The following PTBP3 variants were observed in gnomAD, a reference collection of about 807,000 sequenced individuals.
PTBP3 encodes the protein polypyrimidine tract binding protein 3.
In PTBP3, 20 loss-of-function variants were observed where a neutral mutation model predicts 58.7. That is an observed-to-expected ratio of 0.34 (90% confidence interval 0.24 to 0.50). The LOEUF is 0.50. PTBP3 is among the 20% of genes least tolerant of loss of function. The probability of loss-of-function intolerance (pLI) is 0.98; values close to 1 mark genes in which losing one functional copy is unlikely to be tolerated. For synonymous variants in PTBP3, 185 were observed against 219.8 expected (o/e 0.84, Z 1.40); for missense variants, 509 against 637.2 (o/e 0.80, Z 2.17).
intron 1 of PTBP3, among the ~76,000 whole-genome samples, chr9:112,310,913 T>C (rs1212340432): frequency 6.6e-6 from 1 of 152,144 alleles, no homozygotes; most frequent in African/African-American, 2.4e-5. Context: ...CAATTATGGC[T>C]GAAAGAGAAT....
rs556917722 is a variant in PTBP3 at position 112,243,392 on chromosome 9, AT to A, written c.802+7536del. On this transcript the variant is annotated intron_variant, in intron 7 of 13. Transcript: ENST00000374257. ...CCCATCTCTACTAAAAATTCAAAAA[AT>A]TAGCTAGACGTGGTGGCAGGCACCT... 2.2e-3 allele frequency among the ~76,000 whole-genome samples: 341 copies of A among 152,234 alleles called. 1 individual carries two copies. Among genetic ancestry groups the A allele is most frequent in the Middle Eastern group, 3.4e-3 (1 of 294 alleles).
chr9:112,252,095 A>G (rs937631689), intron 6 of PTBP3, among the ~76,000 whole-genome samples: 1 of 152,158 alleles, frequency 6.6e-6, no homozygotes, highest in Non-Finnish European at 1.5e-5. Context: ...TCTTGTCAAA[A>G]TAGGTTTTCG....
chr9:112,321,531 A>G (rs1454476989), intron 1 of PTBP3, among the ~76,000 whole-genome samples: 1 of 151,202 alleles, frequency 6.6e-6, no homozygotes, highest in Non-Finnish European at 1.5e-5. Flanking sequence ...GTAGTCTGAA[A>G]AAAAAAAAAA....
In PTBP3 at chr9:112,246,680, G is replaced by A. The variant is rs1292528052; in HGVS notation, c.802+4249C>T. ...TGCACTCCAGCCTGGGCAACAGAGC[G>A]AGACTCTGTCTCAAAAAAAAAAAAA... On this transcript the variant is annotated intron_variant, in intron 7 of 13. Transcript: ENST00000374257. Among the ~76,000 whole-genome samples, 24 of 148,716 alleles carry A rather than the reference G, an allele frequency of 1.6e-4. No individual in the cohort carries two copies. In the East Asian group the frequency reaches 1.8e-3, roughly 11 times the overall value.
At chr9:112,369,537 T>C in the PTBP3 span, among the ~76,000 whole-genome samples, 7 of 152,174 alleles carry the variant, frequency 4.6e-5, no homozygotes, top group Non-Finnish European at 1.0e-4. Flanking sequence ...TTTCTCCCAT[T>C]TGGAATGGGT....
At chr9:112,370,394 A>T in the PTBP3 span, among the ~76,000 whole-genome samples, 1 of 152,144 alleles carries the variant, frequency 6.6e-6, no homozygotes, top group Non-Finnish European at 1.5e-5. Flanking sequence ...ATACAAAAAA[A>T]TAGTGGTGTG....
intron 1 of PTBP3, among the ~76,000 whole-genome samples, chr9:112,332,147 T>C (rs769322767): frequency 1.3e-4 from 20 of 152,120 alleles, no homozygotes; most frequent in African/African-American, 4.3e-4. Flanking sequence ...CCCCCCAAAA[T>C]ATATACACCT....
the PTBP3 span, among the ~76,000 whole-genome samples, chr9:112,346,250 C>T: frequency 2.0e-5 from 3 of 152,140 alleles, no homozygotes; most frequent in African/African-American, 7.2e-5. Context: ...TTGCTGCAAC[C>T]TTTGTCTCCT....
At chr9:112,224,021 T>C in intron 13 of PTBP3, 38 bp from the exon 14 acceptor site, 2 of 1,594,930 alleles carry the variant, frequency 1.3e-6, no homozygotes, top group Non-Finnish European at 1.7e-6. Context: ...GTATTTAGAA[T>C]GAATTTTGCT....
In PTBP3 at chr9:112,222,974, CT is replaced by C. The variant is rs1292038957; in HGVS notation, c.*876del. The C allele has an allele frequency of 1.5e-5, 13 of 854,092 alleles. No homozygotes were observed. Among genetic ancestry groups the C allele is most frequent in the African/African-American group, 7.3e-5 (4 of 54,444 alleles). 52.9% of individuals were successfully genotyped at this position (854,092 alleles called of 1,614,324 possible). A position where few individuals can be genotyped will look rare whatever the true frequency, so the allele number is the denominator to read the frequency against. On this transcript the variant is annotated 3_prime_UTR_variant, in exon 14 of 14. Coordinates refer to ENST00000374257, the MANE Select transcript of PTBP3 (RefSeq NM_001163788.4). ...TGAATATTTTCCTTAAGACTGTAAA[CT>C]TTTTTTCTGAAAACAATTATAAAAA...
At chr9:112,294,983 T>C (rs1410131082) in intron 2 of PTBP3, among the ~76,000 whole-genome samples, 1 of 152,224 alleles carries the variant, frequency 6.6e-6, no homozygotes, top group Non-Finnish European at 1.5e-5. Context: ...CTCACGCCTG[T>C]AATCCCAGCA....
the PTBP3 span, among the ~76,000 whole-genome samples, chr9:112,356,511 T>C: frequency 6.6e-6 from 1 of 151,912 alleles, no homozygotes; most frequent in South Asian, 2.1e-4. Context: ...TTTTTTTCTC[T>C]TATGCAATAA....
intron 2 of PTBP3, among the ~76,000 whole-genome samples, chr9:112,295,067 C>T (rs890033727): frequency 4.6e-5 from 7 of 152,068 alleles, no homozygotes; most frequent in African/African-American, 4.8e-5. Flanking sequence ...TGGTGAAACC[C>T]TGTCTCTACT....
intron 7 of PTBP3, among the ~76,000 whole-genome samples, chr9:112,240,997 GGTAA>G (rs1455268803): frequency 6.6e-6 from 1 of 152,060 alleles, no homozygotes; most frequent in Non-Finnish European, 1.5e-5. Flanking sequence ...TGTGTTTCAA[GGTAA>G]GTATTATTAC....
At chr9:112,373,726 C>T in the PTBP3 span, among the ~76,000 whole-genome samples, 9 of 152,168 alleles carry the variant, frequency 5.9e-5, no homozygotes, top group South Asian at 2.1e-4. Flanking sequence ...GTTAACAATA[C>T]TTAAATGCTG....
At chr9:112,368,943 G>T in the PTBP3 span, among the ~76,000 whole-genome samples, 34 of 152,330 alleles carry the variant, frequency 2.2e-4, 1 homozygote, top group South Asian at 6.6e-3. Flanking sequence ...TGGCTAAAAG[G>T]GGCCAATGTA....
chr9:112,369,413 G>C, the PTBP3 span, among the ~76,000 whole-genome samples: 10 of 152,330 alleles, frequency 6.6e-5, no homozygotes, highest in South Asian at 2.1e-3. Context: ...TTGCATCACT[G>C]TGACCTGGAT....
intron 10 of PTBP3, among the ~76,000 whole-genome samples, chr9:112,230,464 G>A (rs1003308022): frequency 2.6e-5 from 4 of 151,974 alleles, no homozygotes; most frequent in East Asian, 1.9e-4. Context: ...ACTGATTTAC[G>A]GGGAAAAAAT....
chr9:112,372,703 C>G, the PTBP3 span, among the ~76,000 whole-genome samples: 1 of 152,070 alleles, frequency 6.6e-6, no homozygotes, highest in Non-Finnish European at 1.5e-5. Context: ...CTTAGCACAA[C>G]GTTTTTGAGG....
Sources: gnomAD v4.1 joint callset for allele counts (sites outside exome capture counted in the v4.1 genomes callset) on GRCh38, gnomAD v4.1.1 for gene constraint, MANE v1.5 for transcripts, NCBI Gene and HGNC (gene_info 2026-07-23, HGNC 2026-07-21) for gene names.